CPPED1: variants seen among roughly 807,000 people sequenced by gnomAD.
The protein encoded by CPPED1 is calcineurin like phosphoesterase domain containing 1, also known as serine/threonine-protein phosphatase CPPED1.
CPPED1 carries 28 observed loss-of-function variants against 28.0 expected under a neutral mutation model. The ratio of observed to expected loss-of-function variants is 1.00; its 90% CI spans 0.74 to 1.37. The LOEUF (loss-of-function observed/expected upper bound fraction) is 1.37. Ranked by LOEUF, CPPED1 falls within the 40% of genes most tolerant of loss-of-function variation. The probability of loss-of-function intolerance (pLI) is 0.00; values close to 1 mark genes in which losing one functional copy is unlikely to be tolerated. For missense variants in CPPED1, 504 were observed against 416.5 expected (o/e 1.21, Z -1.83); for synonymous variants, 198 against 180.2 (o/e 1.10, Z -0.79).
At position 12,695,531 on chromosome 16, in the gene CPPED1, A is replaced by G. The variant is rs184366667; in HGVS notation, c.715+9093T>C. Among the ~76,000 whole-genome samples the G allele has an allele frequency of 3.5e-3, 538 of 152,282 alleles. 4 individuals carry two copies. The highest frequency in any genetic ancestry group is 0.012 in the African/African-American group (512 of 41,544). Reference sequence around the variant, plus strand: ...AGCGATCCTCCTACTTCGGCCTCCCATAGTGCTGGGATTACAGGTGTGAGC... The same window carrying G: ...AGCGATCCTCCTACTTCGGCCTCCCGTAGTGCTGGGATTACAGGTGTGAGC... On this transcript the variant is annotated intron_variant, in intron 3 of 3. Transcript: ENST00000381774.
intron 2 of CPPED1, among the ~76,000 whole-genome samples, chr16:12,714,341 A>C (rs778034777): frequency 6.6e-6 from 1 of 152,158 alleles, no homozygotes; most frequent in Admixed American, 6.5e-5. Context: ...CATGGTAACT[A>C]TATGTGTTTA....
Position 12,744,246 on chromosome 16 carries a change from G to C in CPPED1, c.289+36939C>G, listed in dbSNP as rs141212737. ...AGATTGTGCCACTGCACTCCAGCCT[G>C]GGCGACAGAGCAAGACTCTGTGAAA... On this transcript the variant is annotated intron_variant, in intron 2 of 3. Coordinates refer to ENST00000381774, the MANE Select transcript of CPPED1 (RefSeq NM_018340.3). Among the ~76,000 whole-genome samples, 788 of 146,298 alleles carry C rather than the reference G, an allele frequency of 5.4e-3. 7 individuals carry two copies. The highest frequency in any genetic ancestry group is 0.019 in the African/African-American group (761 of 39,234).
chr16:12,761,495 C>T (rs1296422790), intron 2 of CPPED1, among the ~76,000 whole-genome samples: 1 of 151,996 alleles, frequency 6.6e-6, no homozygotes. Flanking sequence ...TATACTATGA[C>T]GAGTACTATT....
At chr16:12,674,439 G>A (rs894248377) in intron 3 of CPPED1, among the ~76,000 whole-genome samples, 3 of 152,172 alleles carry the variant, frequency 2.0e-5, no homozygotes, top group African/African-American at 4.8e-5. Flanking sequence ...GTTTCCAGAC[G>A]TGGGGGTTTC....
At chr16:12,697,911 C>T (rs980851174) in intron 3 of CPPED1, among the ~76,000 whole-genome samples, 4 of 152,036 alleles carry the variant, frequency 2.6e-5, no homozygotes, top group African/African-American at 9.7e-5. Context: ...CAGGAGTTTG[C>T]GACCAGCCTG....
chr16:12,727,789 G>A (rs1474040618), intron 2 of CPPED1, among the ~76,000 whole-genome samples: 1 of 152,144 alleles, frequency 6.6e-6, no homozygotes, highest in African/African-American at 2.4e-5. Flanking sequence ...CACACAGTTC[G>A]TAAATTATCC....
intron 2 of CPPED1, among the ~76,000 whole-genome samples, chr16:12,746,373 C>CA (rs71142518): frequency 0.69 from 72,977 of 105,554 alleles, 24,593 homozygotes; most frequent in Admixed American, 0.78. Flanking sequence ...GACTCTGACT[C>CA]AAAAAAAAAA....
chr16:12,678,698 T>C (rs1043392451), intron 3 of CPPED1, among the ~76,000 whole-genome samples: 4 of 152,218 alleles, frequency 2.6e-5, no homozygotes, highest in Non-Finnish European at 5.9e-5. Context: ...TGCTTGCTGA[T>C]AGTATATAAA....
At chr16:12,711,026 T>C (rs751121744) in intron 2 of CPPED1, among the ~76,000 whole-genome samples, 5 of 152,220 alleles carry the variant, frequency 3.3e-5, no homozygotes, top group Non-Finnish European at 5.9e-5. Flanking sequence ...AAAGAGATGT[T>C]TGTACACCTA....
intron 2 of CPPED1, among the ~76,000 whole-genome samples, chr16:12,774,824 G>A (rs773661011): frequency 6.6e-6 from 1 of 151,786 alleles, no homozygotes; most frequent in African/African-American, 2.4e-5. Flanking sequence ...TGTGTTTTTT[G>A]TTTGTTTGTT....
In CPPED1 at chr16:12,664,308, T is replaced by A; in HGVS notation, c.*578A>T. ...TATCAACTGCATTCTGTTCCTATCA[T>A]CAGAAGTCTCAGAATTGAACAGTAA... On this transcript the variant is annotated 3_prime_UTR_variant, in exon 4 of 4. Transcript: ENST00000381774. The surrounding 1 kb of genome is among the most constrained non-coding windows in gnomAD (Gnocchi z 4.2). 1 of 929,574 alleles carries A rather than the reference T, an allele frequency of 1.1e-6. No homozygotes were observed. Among genetic ancestry groups the A allele is most frequent in the South Asian group, 4.9e-5 (1 of 20,286 alleles). The allele number at this position is 929,574 out of a possible 1,614,324, so 57.6% of individuals were successfully genotyped here.
intron 2 of CPPED1, among the ~76,000 whole-genome samples, chr16:12,722,687 C>T (rs1019732412): frequency 6.6e-6 from 1 of 152,160 alleles, no homozygotes; most frequent in Non-Finnish European, 1.5e-5. Flanking sequence ...CATTGCACCA[C>T]TGGACTCCAA....
intron 3 of CPPED1, among the ~76,000 whole-genome samples, chr16:12,703,559 G>A (rs1446578142): frequency 6.6e-6 from 1 of 151,972 alleles, no homozygotes; most frequent in Non-Finnish European, 1.5e-5. Context: ...GTCAGCGTTT[G>A]TAATCCCAGC....
chr16:12,716,099 G>A (rs1333858838), intron 2 of CPPED1, among the ~76,000 whole-genome samples: 1 of 152,170 alleles, frequency 6.6e-6, no homozygotes, highest in East Asian at 1.9e-4. Flanking sequence ...ATCTACATAT[G>A]TGTAAGCTTT....
chr16:12,729,507 G>C (rs1440943748), intron 2 of CPPED1, among the ~76,000 whole-genome samples: 10 of 152,150 alleles, frequency 6.6e-5, no homozygotes, highest in Admixed American at 6.5e-4. Flanking sequence ...TAAAGATGTG[G>C]AATCAGAATC....
chr16:12,800,448 A>G (rs1034455378), intron 1 of CPPED1, among the ~76,000 whole-genome samples: 1 of 151,850 alleles, frequency 6.6e-6, no homozygotes, highest in African/African-American at 2.4e-5. Context: ...AAAAAAAAAA[A>G]AGTAAACCAT....
In CPPED1 at chr16:12,781,491, T is replaced by G. The variant is rs555595835; in HGVS notation, c.71-88A>C. On this transcript the variant is annotated intron_variant, in intron 1 of 3. Transcript: ENST00000381774. ...AGCTTCCCATGCAAAGTGGATACACTATTTTTCTTAAATTAAGTAGGTCAT... is the reference window on the plus strand; with the variant it reads ...AGCTTCCCATGCAAAGTGGATACACGATTTTTCTTAAATTAAGTAGGTCAT... 2.1e-5 allele frequency: 24 copies of G among 1,163,684 alleles called. No homozygotes were observed. In the Admixed American group the frequency reaches 4.3e-4, roughly 21 times the overall value. 72.1% of individuals were successfully genotyped at this position (1,163,684 alleles called of 1,614,324 possible). A position where few individuals can be genotyped will look rare whatever the true frequency, so the allele number is the denominator to read the frequency against.
At chr16:12,728,934 C>G (rs1380893326) in intron 2 of CPPED1, among the ~76,000 whole-genome samples, 2 of 152,116 alleles carry the variant, frequency 1.3e-5, no homozygotes, top group Admixed American at 1.3e-4. Context: ...GGGGCGGGAC[C>G]TGGATAGTAA....
chr16:12,803,647 C>T, intron 1 of CPPED1, 60 bp downstream of exon 1: 3 of 1,343,834 alleles, frequency 2.2e-6, no homozygotes, highest in Non-Finnish European at 2.9e-6. Flanking sequence ...ACAAAAGGTT[C>T]CCCCGGCGGA....
Sources: allele counts gnomAD v4.1 joint callset (sites outside exome capture counted in the v4.1 genomes callset), GRCh38; gene constraint gnomAD v4.1.1; non-coding constraint Gnocchi (gnomAD v3.1); transcripts MANE v1.5; gene names NCBI Gene and HGNC (gene_info 2026-07-23, HGNC 2026-07-21).